The following PROSER1 variants were observed in gnomAD, a reference collection of about 807,000 sequenced individuals.
PROSER1 encodes the protein proline and serine rich 1.
In PROSER1, 36 loss-of-function variants were observed where a neutral mutation model predicts 71.8. The ratio of observed to expected loss-of-function variants is 0.50; its 90% CI spans 0.38 to 0.66. The LOEUF (loss-of-function observed/expected upper bound fraction) is 0.66. Ranked by LOEUF, PROSER1 falls within the 30% of genes least tolerant of loss-of-function variation. PROSER1 has a pLI of 0.00. For synonymous variants in PROSER1, 490 were observed against 452.4 expected (o/e 1.08, Z -1.06); for missense variants, 1,107 against 1,135.0 (o/e 0.98, Z 0.35).
intron 2 of PROSER1, among the ~76,000 whole-genome samples, chr13:39,032,516 T>A (rs1317073591): frequency 1.3e-5 from 2 of 152,190 alleles, no homozygotes; most frequent in African/African-American, 4.8e-5. Flanking sequence ...ACGCTAAGGT[T>A]CCAATTATTC....
At position 39,028,326 on chromosome 13, in the gene PROSER1, A is replaced by T. The variant is rs774682997; in HGVS notation, c.276-6T>A. 1 of 1,525,502 alleles carries T rather than the reference A, an allele frequency of 6.6e-7. No homozygotes were observed. The highest frequency in any genetic ancestry group is 9.1e-7 in the Non-Finnish European group (1 of 1,102,082). 94.5% of individuals were successfully genotyped at this position (1,525,502 alleles called of 1,614,324 possible). On this transcript the variant is annotated splice_polypyrimidine_tract_variant and splice_region_variant and intron_variant, in intron 4 of 12. Coordinates refer to ENST00000352251, the MANE Select transcript of PROSER1 (RefSeq NM_025138.5). ...TCTGTGCATCAATAATGTTCCTACCAAGAAAACACAATTTAGCTTTTTGTT... is the reference window on the plus strand; with the variant it reads ...TCTGTGCATCAATAATGTTCCTACCTAGAAAACACAATTTAGCTTTTTGTT...
chr13:39,024,246 T>C (rs1159758368), intron 7 of PROSER1, among the ~76,000 whole-genome samples: 2 of 152,172 alleles, frequency 1.3e-5, no homozygotes, highest in Non-Finnish European at 2.9e-5. Flanking sequence ...AGAAAAAAAC[T>C]GAAAGCAATT....
intron 5 of PROSER1, 148 bp from the exon 6 acceptor site, chr13:39,026,535 A>C: frequency 4.0e-6 from 2 of 499,072 alleles, no homozygotes; most frequent in Non-Finnish European, 7.1e-6. Context: ...ACAGTGGTGA[A>C]TGTGACCAAA....
At chr13:39,025,271 T>G (rs1870493984) in intron 6 of PROSER1, among the ~76,000 whole-genome samples, 1 of 152,180 alleles carries the variant, frequency 6.6e-6, no homozygotes, top group Admixed American at 6.5e-5. Context: ...CAGAATAAGT[T>G]GATAGATTAT....
intron 9 of PROSER1, among the ~76,000 whole-genome samples, chr13:39,019,619 G>GATTTTCTC: frequency 6.6e-6 from 1 of 151,062 alleles, no homozygotes; most frequent in Non-Finnish European, 1.5e-5. Flanking sequence ...GAATAAGAAG[G>GATTTTCTC]TAATCATTGG....
Position 39,012,444 on chromosome 13 carries a change from T to C in PROSER1, c.2562-211A>G. On this transcript the variant is annotated intron_variant, in intron 11 of 12. Coordinates refer to ENST00000352251, the MANE Select transcript of PROSER1 (RefSeq NM_025138.5). ...TATTCGAAATTCAGTAAGTCTGTTT[T>C]GCATATAATCCTTTCTGCTGTCTTA... The C allele has an allele frequency of 6.1e-6, 4 of 660,234 alleles. No homozygotes were observed. The South Asian group carries it at 8.1e-5, about 13-fold the overall frequency. The allele number at this position is 660,234 out of a possible 1,614,324, so 40.9% of individuals were successfully genotyped here. A position where few individuals can be genotyped will look rare whatever the true frequency, so the allele number is the denominator to read the frequency against.
At chr13:39,025,064 TTTC>T (rs1870481899) in intron 6 of PROSER1, among the ~76,000 whole-genome samples, 1 of 152,162 alleles carries the variant, frequency 6.6e-6, no homozygotes, top group Non-Finnish European at 1.5e-5. Context: ...TGTTCTGATT[TTTC>T]TTCTTCACAA....
Position 39,037,244 on chromosome 13 carries a change from T to C in PROSER1, c.-2A>G. 6.2e-7 allele frequency: 1 copy of C among 1,608,546 alleles called. No homozygotes were observed. The highest frequency in any genetic ancestry group is 8.5e-7 in the Non-Finnish European group (1 of 1,174,904). On this transcript the variant is annotated 5_prime_UTR_variant, in exon 1 of 13. Coordinates refer to ENST00000352251, the MANE Select transcript of PROSER1 (RefSeq NM_025138.5). ...CATTTCAAAGGACTTTTTATCCATC[T>C]TGACTACTATCCCGACGTGGTTTTA...
chr13:39,012,569 A>T (rs568429602), intron 11 of PROSER1, 122 bp downstream of exon 11: 5 of 839,582 alleles, frequency 6.0e-6, no homozygotes, highest in African/African-American at 1.7e-5. Context: ...TCAGAGTGCT[A>T]AAGTTTTCAC....
At position 39,029,273 on chromosome 13, in the gene PROSER1, ATACT is replaced by A. The variant is rs1870712286; in HGVS notation, c.275+4_275+7del. ...AAAAAAAAAAAAAAAAAAAAAAGAA[ATACT>A]TACGAGGCTAACAGTTCAAGAGCAA... On this transcript the variant is annotated splice_donor_5th_base_variant and intron_variant, in intron 4 of 12. Transcript: ENST00000352251. The A allele has an allele frequency of 3.5e-6, 5 of 1,418,366 alleles. No homozygotes were observed. Among genetic ancestry groups the A allele is most frequent in the Admixed American group, 2.5e-5 (1 of 39,302 alleles). The allele number at this position is 1,418,366 out of a possible 1,614,324, so 87.9% of individuals were successfully genotyped here.
rs753087817 is a variant in PROSER1 at position 39,014,209 on chromosome 13, G to T, written c.1043C>A (p.Thr348Lys). The T allele has an allele frequency of 3.1e-6, 5 of 1,614,186 alleles. No individual in the cohort carries two copies. The highest frequency in any genetic ancestry group is 4.2e-6 in the Non-Finnish European group (5 of 1,180,050). ...AGTGGTGGTTGTACTGTGGATGGATGTAACAGGTGCAGTGGGCAATGAAGG... is the reference window on the plus strand; with the variant it reads ...AGTGGTGGTTGTACTGTGGATGGATTTAACAGGTGCAGTGGGCAATGAAGG... ...RTPSLPTAPVTSIHSTTTTPV... is the reference protein window; with the variant it reads ...RTPSLPTAPVKSIHSTTTTPV... Residue 348 changes from threonine to lysine, a missense_variant, in exon 11 of 13, where the codon ACA becomes AAA. Coordinates refer to ENST00000352251, the MANE Select transcript of PROSER1 (RefSeq NM_025138.5).
At chr13:39,012,649 G>A in intron 11 of PROSER1, 42 bp downstream of exon 11, 1 of 1,379,234 alleles carries the variant, frequency 7.3e-7, no homozygotes, top group Non-Finnish European at 9.9e-7. Context: ...CTACAAGTTA[G>A]GTGAAGAATA....
At chr13:39,022,843 AATTT>A (rs1278560680) in intron 8 of PROSER1, 4 of 457,890 alleles carry the variant, frequency 8.7e-6, no homozygotes, top group African/African-American at 7.8e-5. Context: ...TAATCTAATT[AATTT>A]ATCATAAAGA....
chr13:39,013,046 T>G lies in PROSER1; in HGVS notation c.2206A>C (p.Thr736Pro). Residue 736 changes from threonine to proline, a missense_variant, in exon 11 of 13, where the codon ACA becomes CCA. Physicochemically the swap from Thr to Pro is conservative, Grantham distance 38. Transcript: ENST00000352251. ...GTTGAGCTAGGATGAGGGAGAGATGTGGAGGTGGCAGCGGTAGATGAGGTG... is the reference window on the plus strand; with the variant it reads ...GTTGAGCTAGGATGAGGGAGAGATGGGGAGGTGGCAGCGGTAGATGAGGTG... Reference protein sequence around the residue: ...IATSSTAATSTSLPHPSSTAA... With the variant: ...IATSSTAATSPSLPHPSSTAA... 2 of 1,613,810 alleles carry G rather than the reference T, an allele frequency of 1.2e-6. No homozygotes were observed.
rs142224351 is a variant in PROSER1 at position 39,028,140 on chromosome 13, A to G, written c.369+87T>C. ...TACAACAGCATTCAAGTTATTCACC[A>G]AAGTTAGTAAGAAGAAAGGTGCTTT... On this transcript the variant is annotated intron_variant, in intron 5 of 12. Transcript: ENST00000352251. 15 of 696,506 alleles carry G rather than the reference A, an allele frequency of 2.2e-5. No individual in the cohort carries two copies. In the African/African-American group the frequency reaches 2.5e-4, roughly 12 times the overall value. The allele number at this position is 696,506 out of a possible 1,614,324, so 43.1% of individuals were successfully genotyped here.
At chr13:39,016,695 G>A (rs1870022867) in intron 10 of PROSER1, among the ~76,000 whole-genome samples, 1 of 152,116 alleles carries the variant, frequency 6.6e-6, no homozygotes, top group Non-Finnish European at 1.5e-5. Flanking sequence ...ACAAAACTAG[G>A]TGATGCCAGA....
At chr13:39,030,902 C>A (rs1025370966) in intron 3 of PROSER1, among the ~76,000 whole-genome samples, 2 of 152,172 alleles carry the variant, frequency 1.3e-5, no homozygotes, top group African/African-American at 2.4e-5. Context: ...CAGAAAGCAG[C>A]ACTAACAGAC....
intron 5 of PROSER1, among the ~76,000 whole-genome samples, chr13:39,026,975 G>A (rs972175147): frequency 2.6e-5 from 4 of 152,068 alleles, no homozygotes; most frequent in East Asian, 1.9e-4. Flanking sequence ...AAATGATGCC[G>A]CACACACACT....
At chr13:39,029,126 C>T (rs913272877) in intron 4 of PROSER1, 155 bp downstream of exon 4, 6 of 516,102 alleles carry the variant, frequency 1.2e-5, no homozygotes, top group African/African-American at 4.1e-5. Flanking sequence ...GTAATAAGTA[C>T]ACTAGATACT....
Sources: allele counts gnomAD v4.1 joint callset (sites outside exome capture counted in the v4.1 genomes callset), GRCh38; gene constraint gnomAD v4.1.1; transcripts MANE v1.5; gene names NCBI Gene and HGNC (gene_info 2026-07-23, HGNC 2026-07-21).